GLUL: variants seen among roughly 807,000 people sequenced by gnomAD.
The protein encoded by GLUL is glutamate-ammonia ligase.
A neutral mutation model predicts 36.9 loss-of-function variants in GLUL; 8 were observed. The ratio of observed to expected loss-of-function variants is 0.22; its 90% CI spans 0.13 to 0.39. GLUL has a LOEUF of 0.39. Among genes scored for constraint, GLUL ranks in the 10% least tolerant of loss-of-function variants. The pLI, the probability that GLUL is intolerant of heterozygous loss-of-function variation, is 1.00. For synonymous variants in GLUL, 182 were observed against 172.8 expected, an observed-to-expected ratio of 1.05 and a Z score of -0.42; for missense variants, 315 against 501.8, an observed-to-expected ratio of 0.63 and a Z score of 3.56.
intron 3 of GLUL, 48 bp from the exon 4 acceptor site, chr1:182,386,450 A>AC (rs754506342): frequency 7.4e-7 from 1 of 1,350,820 alleles, no homozygotes; most frequent in Admixed American, 1.7e-5. Flanking sequence ...AAAGACATAG[A>AC]TGCTGAATAC....
chr1:182,384,893 AGTTACT>A (rs1650105462), intron 6 of GLUL, 170 bp from the exon 7 acceptor site: 4 of 652,970 alleles, frequency 6.1e-6, no homozygotes, highest in Admixed American at 2.4e-5. Flanking sequence ...AGCAGTACAA[AGTTACT>A]GTTTGTTGAA....
In GLUL at chr1:182,384,702, C is replaced by T. The variant is rs35378126; in HGVS notation, c.825G>A (p.Glu275=). ...GGTACTGGTGCCGCTTGCTTAGTTT[C>T]TCAATGGCCTCCTCGATGTACCTAG... ...NGLKYIEEAI[E]KLSKRHQYHI... Residue 275 remains glutamate, a synonymous_variant, in exon 7 of 7, where the codon GAG becomes GAA. Coordinates refer to ENST00000331872, the MANE Select transcript of GLUL (RefSeq NM_001033044.4). 3,194 of 1,613,966 alleles carry T rather than the reference C, an allele frequency of 2.0e-3. 74 individuals carry two copies. In the African/African-American group the frequency reaches 0.037, roughly 19 times the overall value.
rs1649833226 is a variant in GLUL, at chr1:182,379,128, C to A, written c.*5277G>T. ...GAACGGTCGGAGATCGAGCTAAAGG[C>A]TATAAAATGGCAGGGTTCTAATCAG... is the stretch of plus-strand genomic sequence containing the variant. On this transcript the variant is annotated 3_prime_UTR_variant, in exon 7 of 7. Coordinates refer to ENST00000331872, the MANE Select transcript of GLUL (RefSeq NM_001033044.4). Among the ~76,000 whole-genome samples, 1 of 152,028 alleles carries A rather than the reference C, an allele frequency of 6.6e-6. No individual in the cohort carries two copies. The highest frequency in any genetic ancestry group is 2.4e-5 in the African/African-American group (1 of 41,390).
intron 3 of GLUL, chr1:182,386,872 T>C (rs879511239): frequency 7.2e-6 from 4 of 553,574 alleles, no homozygotes; most frequent in Non-Finnish European, 1.3e-5. Flanking sequence ...AGGAAGGCTG[T>C]TACTGGGGAC....
At position 182,382,314 on chromosome 1, in the gene GLUL, A is replaced by G. The variant is rs1411935125; in HGVS notation, c.*2091T>C. 6.6e-6 allele frequency: 1 copy of G among 152,230 alleles called. No homozygotes were observed. The highest frequency in any genetic ancestry group is 1.5e-5 in the Non-Finnish European group (1 of 68,070). The allele number at this position is 152,230 out of a possible 1,614,324, so 9.4% of individuals were successfully genotyped here. On this transcript the variant is annotated 3_prime_UTR_variant, in exon 7 of 7. Coordinates refer to ENST00000331872, the MANE Select transcript of GLUL (RefSeq NM_001033044.4). ...ATAAGGTGGAAGAACTCCCAGATACACGGACCAAGATAAGAGCAAGGGGCA... is the reference window on the plus strand; with the variant it reads ...ATAAGGTGGAAGAACTCCCAGATACGCGGACCAAGATAAGAGCAAGGGGCA...
chr1:182,378,614 A>G lies in GLUL; in HGVS notation c.*5791T>C, dbSNP rs1407855856. 6.6e-6 allele frequency among the ~76,000 whole-genome samples: 1 copy of G among 152,168 alleles called. No homozygotes were observed. Among genetic ancestry groups the G allele is most frequent in the Non-Finnish European group, 1.5e-5 (1 of 68,032 alleles). ...TACTGTTTCTGGAACATATATTACTAAATTCCTGTCTCCTTTACAAAATGC... is the reference window on the plus strand; with the variant it reads ...TACTGTTTCTGGAACATATATTACTGAATTCCTGTCTCCTTTACAAAATGC... On this transcript the variant is annotated 3_prime_UTR_variant, in exon 7 of 7. Coordinates refer to ENST00000331872, the MANE Select transcript of GLUL (RefSeq NM_001033044.4).
At chr1:182,387,734 T>A (rs1650244717) in intron 2 of GLUL, among the ~76,000 whole-genome samples, 1 of 152,212 alleles carries the variant, frequency 6.6e-6, no homozygotes, top group Non-Finnish European at 1.5e-5. Flanking sequence ...ACTAGCAGGA[T>A]GACTTACTCT....
At position 182,379,547 on chromosome 1, in the gene GLUL, T is replaced by C. The variant is rs1332171750; in HGVS notation, c.*4858A>G. Among the ~76,000 whole-genome samples the C allele has an allele frequency of 6.6e-6, 1 of 151,866 alleles. No individual in the cohort carries two copies. Among genetic ancestry groups the C allele is most frequent in the Non-Finnish European group, 1.5e-5 (1 of 67,968 alleles). On this transcript the variant is annotated 3_prime_UTR_variant, in exon 7 of 7. Transcript: ENST00000331872. Reference sequence around the variant, plus strand: ...CTAAACTGCCAGTTTACATCAGTTATAATTTTTTTTTGTTTTTTTGAGACA... The same window carrying C: ...CTAAACTGCCAGTTTACATCAGTTACAATTTTTTTTTGTTTTTTTGAGACA...
Position 182,384,647 on chromosome 1 carries a change from G to A in GLUL, c.880C>T (p.Leu294=), listed in dbSNP as rs199824213. ...CCAGTTAGACGTCGGGCATTGTCCA[G>A]GCCTCCCTTGGGATCATAGGCACGG... ...HIRAYDPKGG[L]DNARRLTGFH... is the part of the protein sequence containing the mutation. Residue 294 remains leucine, a synonymous_variant, in exon 7 of 7, where the codon CTG becomes TTG. Transcript: ENST00000331872. 708 of 1,613,994 alleles carry A rather than the reference G, an allele frequency of 4.4e-4. No homozygotes were observed. The highest frequency in any genetic ancestry group is 5.5e-4 in the Non-Finnish European group (647 of 1,179,978).
chr1:182,385,499 C>A lies in GLUL; in HGVS notation c.661G>T (p.Ala221Ser), dbSNP rs757648215. 4 of 1,614,030 alleles carry A rather than the reference C, an allele frequency of 2.5e-6. No individual in the cohort carries two copies. The South Asian group carries it at 3.3e-5, about 13-fold the overall frequency. Residue 221 changes from alanine to serine, a missense_variant, in exon 6 of 7, where the codon GCC (alanine) becomes TCC (serine). Ala to Ser is a moderately conservative substitution (Grantham distance 99). Coordinates refer to ENST00000331872, the MANE Select transcript of GLUL (RefSeq NM_001033044.4). Reference sequence around the variant, plus strand: ...CACACACGATGCAAGATGAAACGGGCCACCCAGAGATGATCTCCCATGCTG... The same window carrying A: ...CACACACGATGCAAGATGAAACGGGACACCCAGAGATGATCTCCCATGCTG... ...GISMGDHLWV[A>S]RFILHRVCED...
At chr1:182,390,879 T>A in intron 1 of GLUL, 1 of 399,000 alleles carries the variant, frequency 2.5e-6, no homozygotes, top group Non-Finnish European at 4.4e-6. Flanking sequence ...GAGTTATAAT[T>A]ATCCACTTTG....
At position 182,385,836 on chromosome 1, in the gene GLUL, A is replaced by G; in HGVS notation, c.527T>C (p.Val176Ala). 6.2e-7 allele frequency: 1 copy of G among 1,613,350 alleles called. No individual in the cohort carries two copies. Among genetic ancestry groups the G allele is most frequent in the African/African-American group, 1.3e-5 (1 of 75,030 alleles). The change falls in exon 5 of 7, where the codon GTG (valine) becomes GCG (alanine). Residue 176 changes from valine (V) to alanine (A), a missense_variant. Coordinates refer to ENST00000331872, the MANE Select transcript of GLUL (RefSeq NM_001033044.4). ...GADRAYGRDIVEAHYRACLYA... is the reference protein window; with the variant it reads ...GADRAYGRDIAEAHYRACLYA... ...CAAGCAGGCCCGGTAATGGGCCTCCACGATGTCCCTGCCATAGGCTCTGTC... is the reference window on the plus strand; with the variant it reads ...CAAGCAGGCCCGGTAATGGGCCTCCGCGATGTCCCTGCCATAGGCTCTGTC...
intron 2 of GLUL, among the ~76,000 whole-genome samples, chr1:182,387,685 G>C (rs895639577): frequency 6.6e-6 from 1 of 152,124 alleles, no homozygotes; most frequent in African/African-American, 2.4e-5. Context: ...GTGTATTCTG[G>C]CAAGTTATGT....
rs1462802328 is a variant in GLUL at position 182,378,880 on chromosome 1, C to T, written c.*5525G>A. On this transcript the variant is annotated 3_prime_UTR_variant, in exon 7 of 7. Coordinates refer to ENST00000331872, the MANE Select transcript of GLUL (RefSeq NM_001033044.4). ...GCAACCTCCGGCTCTTGGGCTCAAG[C>T]GATTCTCCTGCCTCAGCCTGCCACT... 6.6e-6 allele frequency among the ~76,000 whole-genome samples: 1 copy of T among 152,146 alleles called. No individual in the cohort carries two copies. Among genetic ancestry groups the T allele is most frequent in the South Asian group, 2.1e-4 (1 of 4,814 alleles).
chr1:182,387,911 T>G (rs1413162952), intron 2 of GLUL, among the ~76,000 whole-genome samples: 1 of 152,214 alleles, frequency 6.6e-6, no homozygotes. Context: ...AGGCTTTGTA[T>G]TATGATCATT....
intron 3 of GLUL, chr1:182,386,757 G>T: frequency 2.2e-6 from 1 of 451,800 alleles, no homozygotes; most frequent in South Asian, 2.2e-5. Flanking sequence ...AGCTGCTTCT[G>T]GTTGTCAGAT....
At position 182,380,443 on chromosome 1, in the gene GLUL, A is replaced by T. The variant is rs1161083734; in HGVS notation, c.*3962T>A. On this transcript the variant is annotated 3_prime_UTR_variant, in exon 7 of 7. Transcript: ENST00000331872. ...CCATCTCAGCCTCCTGATAGCTGAG[A>T]CTACAGGCGTGCAATTTAAAAAAAA... 6.6e-6 allele frequency among the ~76,000 whole-genome samples: 1 copy of T among 151,954 alleles called. No individual in the cohort carries two copies. Among genetic ancestry groups the T allele is most frequent in the East Asian group, 1.9e-4 (1 of 5,174 alleles).
In GLUL at chr1:182,386,305, T is replaced by C; in HGVS notation, c.426A>G (p.Thr142=). 6.2e-7 allele frequency: 1 copy of C among 1,613,666 alleles called. No homozygotes were observed. The highest frequency in any genetic ancestry group is 2.2e-5 in the East Asian group (1 of 44,882). Reference sequence around the variant, plus strand: ...AAGGCCAACCAAAGGGGTGCCCATCTGTCCCCATGAGGGTATACTCCTGCT... The same window carrying C: ...AAGGCCAACCAAAGGGGTGCCCATCCGTCCCCATGAGGGTATACTCCTGCT... ...GMEQEYTLMG[T]DGHPFGWPSN... is the part of the protein sequence containing the mutation. The change falls in exon 4 of 7, where the codon ACA becomes ACG. Residue 142 remains threonine (T), a synonymous_variant. Transcript: ENST00000331872.
At chr1:182,384,899 T>TG (rs1650105657) in intron 6 of GLUL, 176 bp from the exon 7 acceptor site, 1 of 645,634 alleles carries the variant, frequency 1.5e-6, no homozygotes, top group African/African-American at 1.8e-5. Flanking sequence ...ACAAAGTTAC[T>TG]GTTTGTTGAA....
Sources: allele counts gnomAD v4.1 joint callset (sites outside exome capture counted in the v4.1 genomes callset), GRCh38; gene constraint gnomAD v4.1.1; transcripts MANE v1.5; gene names NCBI Gene and HGNC (gene_info 2026-07-23, HGNC 2026-07-21).